VPS13D: variants seen among roughly 807,000 people sequenced by gnomAD.
VPS13D encodes the protein intermembrane lipid transfer protein VPS13D.
In VPS13D, 187 loss-of-function variants were observed where a neutral mutation model predicts 461.9. The ratio of observed to expected loss-of-function variants is 0.40; its 90% CI spans 0.36 to 0.46. VPS13D has a LOEUF of 0.46. Ranked by LOEUF, VPS13D falls within the 20% of genes least tolerant of loss-of-function variation. The probability of loss-of-function intolerance (pLI) is 0.60; values close to 1 mark genes in which losing one functional copy is unlikely to be tolerated. For missense variants in VPS13D, 4,711 were observed against 5,364.9 expected (o/e 0.88, Z 3.81); for synonymous variants, 1,951 against 1,986.3 (o/e 0.98, Z 0.47).
intron 31 of VPS13D, 131 bp downstream of exon 31, chr1:12,318,468 C>G: frequency 8.4e-7 from 1 of 1,187,918 alleles, no homozygotes; most frequent in Non-Finnish European, 1.2e-6. Context: ...CTTTTACAGA[C>G]CTGCAAGCAT....
At chr1:12,345,314 C>G in intron 42 of VPS13D, 60 bp from the exon 43 acceptor site, 1 of 1,543,800 alleles carries the variant, frequency 6.5e-7, no homozygotes, top group South Asian at 1.2e-5. Flanking sequence ...GTCTTTGCTT[C>G]TACTTTTCAT....
intron 17 of VPS13D, 25 bp from the exon 18 acceptor site, chr1:12,272,978 G>A: frequency 6.2e-7 from 1 of 1,609,946 alleles, no homozygotes; most frequent in Non-Finnish European, 8.5e-7. Flanking sequence ...GGCAGTTATG[G>A]TTAATGACTG....
At chr1:12,394,036 C>G (rs1644463563) in intron 60 of VPS13D, among the ~76,000 whole-genome samples, 1 of 152,178 alleles carries the variant, frequency 6.6e-6, no homozygotes. Context: ...GATCCTTTCC[C>G]TTTCCCCAGT....
At chr1:12,287,181 C>G (rs1399354375) in intron 21 of VPS13D, among the ~76,000 whole-genome samples, 1 of 152,090 alleles carries the variant, frequency 6.6e-6, no homozygotes, top group Non-Finnish European at 1.5e-5. Flanking sequence ...TTTTAATTTC[C>G]CCATGATGAT....
chr1:12,432,013 T>G (rs1644997955), intron 65 of VPS13D, among the ~76,000 whole-genome samples: 1 of 152,208 alleles, frequency 6.6e-6, no homozygotes, highest in Non-Finnish European at 1.5e-5. Context: ...TGGGTTAAAA[T>G]GAATTTTAAA....
rs988583162 is a variant in VPS13D, at chr1:12,480,003, C to T, written c.12663-17497C>T. 3.9e-5 allele frequency among the ~76,000 whole-genome samples: 6 copies of T among 152,174 alleles called. No individual in the cohort carries two copies. In the East Asian group the frequency reaches 5.8e-4, roughly 15 times the overall value. On this transcript the variant is annotated intron_variant, in intron 67 of 69. Transcript: ENST00000620676. ...TGTTCAAGGGCCTCTTTGGGCCAAA[C>T]AGCAGTGGGCCTGAGCATGGAGAGA...
chr1:12,447,041 G>A (rs1467800002), intron 65 of VPS13D, among the ~76,000 whole-genome samples: 1 of 152,202 alleles, frequency 6.6e-6, no homozygotes, highest in South Asian at 2.1e-4. Context: ...AGGTGTCTGA[G>A]TTACGGATAT....
In VPS13D at chr1:12,293,652, C is replaced by T; in HGVS notation, c.5981C>T (p.Thr1994Ile). Residue 1994 changes from threonine to isoleucine, a missense_variant, in exon 24 of 70, where the codon ACT (threonine) becomes ATT (isoleucine). Physicochemically the swap from Thr to Ile is moderately conservative, Grantham distance 89. Coordinates refer to ENST00000620676, the MANE Select transcript of VPS13D (RefSeq NM_015378.4). ...GTGGTGGCCTTCATTCAGCATTTCA[C>T]TCAGCTGCAGGATGTCTTAGGGCGC... ...AEVVAFIQHF[T>I]QLQDVLGRQR... 1.2e-6 allele frequency: 2 copies of T among 1,614,156 alleles called. No individual in the cohort carries two copies. Among genetic ancestry groups the T allele is most frequent in the South Asian group, 1.1e-5 (1 of 91,084 alleles).
chr1:12,382,152 A>G (rs1014489320), intron 57 of VPS13D, among the ~76,000 whole-genome samples: 6 of 148,010 alleles, frequency 4.1e-5, no homozygotes, highest in African/African-American at 1.5e-4. Flanking sequence ...CCCGGGCTGG[A>G]GTACAATAGC....
At chr1:12,362,686 G>T (rs557402615) in intron 50 of VPS13D, 34 bp from the exon 51 acceptor site, 1 of 1,605,712 alleles carries the variant, frequency 6.2e-7, no homozygotes, top group African/African-American at 1.3e-5. Context: ...TCTCTTCATG[G>T]TTAACTCATA....
intron 67 of VPS13D, 27 bp from the exon 68 acceptor site, chr1:12,497,473 T>C: frequency 6.2e-7 from 1 of 1,600,102 alleles, no homozygotes; most frequent in Non-Finnish European, 8.5e-7. Flanking sequence ...CTTAACCTCT[T>C]GGCTTTATGT....
chr1:12,374,822 CT>C (rs1328568714), intron 55 of VPS13D, among the ~76,000 whole-genome samples: 1 of 152,226 alleles, frequency 6.6e-6, no homozygotes, highest in African/African-American at 2.4e-5. Context: ...ACTACAACCT[CT>C]GCCTCCTGGG....
Position 12,358,511 on chromosome 1 carries a change from T to C in VPS13D, c.10051T>C (p.Cys3351Arg), listed in dbSNP as rs1005594233. 1.2e-6 allele frequency: 2 copies of C among 1,614,030 alleles called. No individual in the cohort carries two copies. Among genetic ancestry groups the C allele is most frequent in the Non-Finnish European group, 1.7e-6 (2 of 1,180,028 alleles). The part of the protein sequence containing the change: ...GIHPEGMPGW[C>R]QGFSLDGGSG... ...TCATCCAGAAGGCATGCCGGGCTGG[T>C]GTCAGGGCTTCTCCCTGGATGGTGG... is the stretch of plus-strand genomic sequence containing the variant. The change falls in exon 50 of 70, where the codon TGT becomes CGT. Residue 3351 changes from cysteine (C) to arginine (R), a missense_variant. By Grantham distance (180) the Cys-to-Arg change is radical. Around this residue, in one of 3 missense-constraint regions of VPS13D, gnomAD observed 4,411 missense variants for 4,937.8 expected, o/e 0.89. Coordinates refer to ENST00000620676, the MANE Select transcript of VPS13D (RefSeq NM_015378.4).
intron 65 of VPS13D, among the ~76,000 whole-genome samples, chr1:12,429,696 A>G (rs991209270): frequency 1.3e-5 from 2 of 152,202 alleles, no homozygotes; most frequent in African/African-American, 4.8e-5. Context: ...GGAAAAGGAC[A>G]TTGACTTTTA....
chr1:12,365,889 C>A (rs1644028517), intron 52 of VPS13D, among the ~76,000 whole-genome samples: 1 of 151,938 alleles, frequency 6.6e-6, no homozygotes, highest in African/African-American at 2.4e-5. Context: ...CAAAATAGTT[C>A]TTAAAATAGT....
chr1:12,496,798 C>T (rs913860871), intron 67 of VPS13D, among the ~76,000 whole-genome samples: 3 of 152,248 alleles, frequency 2.0e-5, no homozygotes, highest in Non-Finnish European at 4.4e-5. Flanking sequence ...TCCTCCGGGC[C>T]GCCGACAGCT....
At chr1:12,388,467 G>A (rs1644378163) in intron 60 of VPS13D, among the ~76,000 whole-genome samples, 2 of 151,954 alleles carry the variant, frequency 1.3e-5, no homozygotes, top group Admixed American at 6.6e-5. Flanking sequence ...CCAGTTACTC[G>A]GGAGGCTGAG....
At chr1:12,468,255 T>C (rs1645516290) in intron 67 of VPS13D, among the ~76,000 whole-genome samples, 1 of 152,238 alleles carries the variant, frequency 6.6e-6, no homozygotes, top group Non-Finnish European at 1.5e-5. Context: ...ATTTGTATTT[T>C]GTGCATTAGA....
chr1:12,456,519 T>C (rs1645329896), intron 66 of VPS13D, among the ~76,000 whole-genome samples: 1 of 150,784 alleles, frequency 6.6e-6, no homozygotes, highest in Non-Finnish European at 1.5e-5. Flanking sequence ...ATGCCTGTAG[T>C]CCCAGCTACT....
Sources: gnomAD v4.1 joint callset for allele counts (sites outside exome capture counted in the v4.1 genomes callset) on GRCh38, gnomAD v4.1.1 for gene constraint, gnomAD v4.1.1 regional missense constraint, MANE v1.5 for transcripts, NCBI Gene and HGNC (gene_info 2026-07-23, HGNC 2026-07-21) for gene names.